XRCC4: variants seen among roughly 807,000 people sequenced by gnomAD.
XRCC4 encodes DNA repair protein XRCC4.
Under a neutral mutation model 39.1 loss-of-function variants are expected in XRCC4, and 28 were observed. The observed-to-expected ratio is 0.72, with a 90% CI of 0.53 to 0.98. The LOEUF (loss-of-function observed/expected upper bound fraction) is 0.98, where lower values mean the gene tolerates loss of function less well. XRCC4 is among the 50% of genes least tolerant of loss of function. XRCC4 has a pLI of 0.00. For synonymous variants in XRCC4, 123 were observed against 126.4 expected, an observed-to-expected ratio of 0.97 and a Z score of 0.18; for missense variants, 350 against 376.4, an observed-to-expected ratio of 0.93 and a Z score of 0.58.
chr5:83,258,709 G>A, intron 7 of XRCC4, 32 bp downstream of exon 7: 3 of 1,595,996 alleles, frequency 1.9e-6, no homozygotes, highest in Middle Eastern at 1.7e-4. Flanking sequence ...CAAGAAGTGA[G>A]ATGACATTTT....
At position 83,199,459 on chromosome 5, in the gene XRCC4, G is replaced by A. The variant is rs114750758; in HGVS notation, c.482+3523G>A. 4.4e-3 allele frequency among the ~76,000 whole-genome samples: 672 copies of A among 152,084 alleles called. 10 individuals are homozygous for A. The highest frequency in any genetic ancestry group is 0.015 in the African/African-American group (639 of 41,514). ...TTCTTTGTCTTCCCAACTCTATTCA[G>A]ACTTTCTTTTGACATACAACCCTGA... On this transcript the variant is annotated intron_variant, in intron 4 of 7. Coordinates refer to ENST00000396027, the MANE Select transcript of XRCC4 (RefSeq NM_003401.5).
chr5:83,290,627 A>C (rs537909237), intron 7 of XRCC4, among the ~76,000 whole-genome samples: 2 of 138,860 alleles, frequency 1.4e-5, no homozygotes, highest in East Asian at 4.7e-4. Flanking sequence ...TTACTCACTT[A>C]AAGGGAAAAT....
downstream of XRCC4, chr5:83,356,815 C>T (rs1410130971): frequency 4.6e-6 from 2 of 436,844 alleles, no homozygotes; most frequent in African/African-American, 4.1e-5. Flanking sequence ...TTATCATCCT[C>T]ACCTCTAAGA....
chr5:83,180,782 G>A (rs1750169490), intron 3 of XRCC4, among the ~76,000 whole-genome samples: 1 of 152,110 alleles, frequency 6.6e-6, no homozygotes, highest in Non-Finnish European at 1.5e-5. Context: ...GATGAGCTAT[G>A]TTACCAGACT....
rs16900282 is a variant in XRCC4, at chr5:83,283,137, A to G, written c.893+24460A>G. ...CAAGCCACTGAAAATTCTTCAGCTT[A>G]CCATTTTTGGCATTCAAATAATAGG... On this transcript the variant is annotated intron_variant, in intron 7 of 7. Coordinates refer to ENST00000396027, the MANE Select transcript of XRCC4 (RefSeq NM_003401.5). 3.6e-3 allele frequency among the ~76,000 whole-genome samples: 551 copies of G among 152,180 alleles called. 12 individuals are homozygous for G. The East Asian group carries it at 0.071, about 20-fold the overall frequency.
chr5:83,328,783 C>T (rs1309305724), intron 7 of XRCC4, among the ~76,000 whole-genome samples: 2 of 151,964 alleles, frequency 1.3e-5, no homozygotes, highest in Non-Finnish European at 2.9e-5. Context: ...GATATTAGCA[C>T]TGGGATAGAC....
intron 6 of XRCC4, among the ~76,000 whole-genome samples, chr5:83,207,082 A>G (rs1751450194): frequency 6.6e-6 from 1 of 152,146 alleles, no homozygotes; most frequent in Non-Finnish European, 1.5e-5. Context: ...ATTTAAAATG[A>G]AATTATTATT....
intron 6 of XRCC4, among the ~76,000 whole-genome samples, chr5:83,241,507 GA>G (rs1452873082): frequency 5.3e-5 from 8 of 151,842 alleles, no homozygotes; most frequent in African/African-American, 1.9e-4. Flanking sequence ...CTCGTTTGAG[GA>G]AAAAAGTCCA....
chr5:83,192,926 C>A (rs1332233150), intron 3 of XRCC4, among the ~76,000 whole-genome samples: 1 of 152,058 alleles, frequency 6.6e-6, no homozygotes, highest in Non-Finnish European at 1.5e-5. Context: ...GTGACAGTAA[C>A]CTTATATGTC....
intron 4 of XRCC4, among the ~76,000 whole-genome samples, chr5:83,200,405 T>TA (rs1471431613): frequency 6.6e-6 from 1 of 152,200 alleles, no homozygotes; most frequent in Admixed American, 6.5e-5. Context: ...ACTCACATGA[T>TA]ACCATTCATT....
intron 7 of XRCC4, among the ~76,000 whole-genome samples, chr5:83,288,818 T>C (rs1754820631): frequency 6.6e-6 from 1 of 151,834 alleles, no homozygotes; most frequent in Admixed American, 6.6e-5. Context: ...CTGAATTTTG[T>C]GACTGGCATT....
At chr5:83,287,672 A>T (rs1021064701) in intron 7 of XRCC4, among the ~76,000 whole-genome samples, 4 of 151,644 alleles carry the variant, frequency 2.6e-5, no homozygotes, top group African/African-American at 9.7e-5. Context: ...AAAATGTGTA[A>T]TTTTTTTTAC....
At chr5:83,175,907 G>T (rs1749933672) in intron 3 of XRCC4, among the ~76,000 whole-genome samples, 1 of 152,080 alleles carries the variant, frequency 6.6e-6, no homozygotes, top group Non-Finnish European at 1.5e-5. Flanking sequence ...CCATTGCCCG[G>T]CTGAGGCCAG....
In XRCC4 at chr5:83,187,128, A is replaced by G. The variant is rs1369042232; in HGVS notation, c.316-8642A>G. Among the ~76,000 whole-genome samples the G allele has an allele frequency of 1.9e-5, 2 of 106,716 alleles. 1 individual carries two copies. The highest frequency in any genetic ancestry group is 8.1e-5 in the African/African-American group (2 of 24,716). 70.0% of individuals were successfully genotyped at this position (106,716 alleles called of 152,430 possible). A position where few individuals can be genotyped will look rare whatever the true frequency, so the allele number is the denominator to read the frequency against. ...CCGGCTAATTTTTTGTATTTTTAGT[A>G]GAGGCGGGGTTTCACCGCGTTAGCC... On this transcript the variant is annotated intron_variant, in intron 3 of 7. Transcript: ENST00000396027.
chr5:83,117,622 T>C (rs935249710), intron 3 of XRCC4, among the ~76,000 whole-genome samples: 17 of 145,800 alleles, frequency 1.2e-4, no homozygotes, highest in Admixed American at 7.2e-5. Context: ...ATTGTAGAGC[T>C]ACATATATAT....
At chr5:83,374,437 C>G in the XRCC4 span, among the ~76,000 whole-genome samples, 1 of 152,172 alleles carries the variant, frequency 6.6e-6, no homozygotes, top group Non-Finnish European at 1.5e-5. Context: ...CCACATGGAA[C>G]CCTGAGTCAA....
chr5:83,159,743 A>G (rs116516464), intron 3 of XRCC4, among the ~76,000 whole-genome samples: 1 of 152,316 alleles, frequency 6.6e-6, no homozygotes, highest in African/African-American at 2.4e-5. Context: ...TCTTAGCTCA[A>G]TGCATTGAAA....
intron 3 of XRCC4, among the ~76,000 whole-genome samples, chr5:83,180,870 A>C (rs1453625430): frequency 6.6e-6 from 1 of 152,148 alleles, no homozygotes; most frequent in African/African-American, 2.4e-5. Flanking sequence ...CAAATAACCT[A>C]AAAGTAGAAC....
intron 6 of XRCC4, among the ~76,000 whole-genome samples, chr5:83,209,220 C>A (rs1405841144): frequency 2.6e-5 from 4 of 151,884 alleles, no homozygotes; most frequent in African/African-American, 9.7e-5. Flanking sequence ...AACACGATGT[C>A]CCTATCTAAG....
Sources: gnomAD v4.1 joint callset for allele counts (sites outside exome capture counted in the v4.1 genomes callset) on GRCh38, gnomAD v4.1.1 for gene constraint, MANE v1.5 for transcripts, NCBI Gene and HGNC (gene_info 2026-07-23, HGNC 2026-07-21) for gene names.